HTR5A: variants seen among roughly 807,000 people sequenced by gnomAD.
HTR5A encodes 5-hydroxytryptamine receptor 5A.
In HTR5A, 21 loss-of-function variants were observed where a neutral mutation model predicts 24.3. That is an observed-to-expected ratio of 0.86 (90% CI 0.61 to 1.24). HTR5A has a LOEUF of 1.24. HTR5A is among the 50% of genes most tolerant of loss of function. HTR5A has a pLI of 0.00. For missense variants in HTR5A, 497 were observed against 489.5 expected (o/e 1.02, Z -0.15); for synonymous variants, 260 against 213.7 (o/e 1.22, Z -1.89).
At chr7:155,080,372 T>C (rs1454569928) in intron 1 of HTR5A, among the ~76,000 whole-genome samples, 1 of 152,238 alleles carries the variant, frequency 6.6e-6, no homozygotes, top group Non-Finnish European at 1.5e-5. Flanking sequence ...AATCCTAGGA[T>C]AACAAAATAC....
At chr7:155,074,240 A>C (rs1795336681) in intron 1 of HTR5A, among the ~76,000 whole-genome samples, 1 of 152,148 alleles carries the variant, frequency 6.6e-6, no homozygotes, top group Non-Finnish European at 1.5e-5. Context: ...TAGGTCAGAC[A>C]TTGAGCTGGG....
Position 155,071,211 on chromosome 7 carries a change from G to A in HTR5A, c.312G>A (p.Gly104=). 6.2e-7 allele frequency: 1 copy of A among 1,602,958 alleles called. No individual in the cohort carries two copies. Among genetic ancestry groups the A allele is most frequent in the East Asian group, 2.2e-5 (1 of 44,866 alleles). ...MPLSLVHELS[G]RRWQLGRRLC... The stretch of plus-strand genomic sequence containing the variant: ...TGAGCCTGGTGCACGAGCTGTCCGG[G>A]CGCCGCTGGCAGCTAGGTCGGAGGC... Residue 104 remains glycine, a synonymous_variant, in exon 1 of 2, where the codon GGG becomes GGA. Transcript: ENST00000287907.
At chr7:155,075,395 T>C (rs1302667217) in intron 1 of HTR5A, among the ~76,000 whole-genome samples, 1 of 152,252 alleles carries the variant, frequency 6.6e-6, no homozygotes, top group Non-Finnish European at 1.5e-5. Context: ...GACAGAGCTC[T>C]GCAGAAGCAT....
intron 1 of HTR5A, among the ~76,000 whole-genome samples, chr7:155,073,865 G>GTATA (rs151333626): frequency 1.2e-4 from 7 of 57,296 alleles, no homozygotes; most frequent in South Asian, 5.8e-4. Context: ...GTGTGTGTGT[G>GTATA]TATATATATA....
At chr7:155,077,274 CT>C (rs1795368160) in intron 1 of HTR5A, 1 of 152,112 alleles carries the variant, frequency 6.6e-6, no homozygotes, top group Non-Finnish European at 1.5e-5. Flanking sequence ...TGATAATGAT[CT>C]GAAAATATCA....
intron 1 of HTR5A, among the ~76,000 whole-genome samples, chr7:155,079,507 A>G (rs1453784808): frequency 1.3e-5 from 2 of 152,204 alleles, no homozygotes; most frequent in East Asian, 3.8e-4. Context: ...CAAAATACCA[A>G]TTAAAGAGGC....
chr7:155,074,797 G>A (rs531438822), intron 1 of HTR5A: 2 of 152,160 alleles, frequency 1.3e-5, no homozygotes, highest in Admixed American at 1.3e-4. Flanking sequence ...TCCTTGCAGC[G>A]ACCTACACCT....
intron 1 of HTR5A, among the ~76,000 whole-genome samples, chr7:155,080,230 G>A (rs1472285263): frequency 6.6e-6 from 1 of 152,306 alleles, no homozygotes; most frequent in East Asian, 1.9e-4. Flanking sequence ...CATGGCAAGA[G>A]GTTTAAAGCT....
rs746643948 is a variant in HTR5A, at chr7:155,071,190, C to T, written c.291C>T (p.Ser97=). The part of the protein sequence containing the change: ...VLVAALVMPL[S]LVHELSGRRW... ...TGGCCGCGCTGGTCATGCCGCTGAG[C>T]CTGGTGCACGAGCTGTCCGGGCGCC... Residue 97 remains serine, a synonymous_variant, in exon 1 of 2, where the codon AGC becomes AGT. Transcript: ENST00000287907. 1.3e-5 allele frequency: 21 copies of T among 1,602,704 alleles called. No homozygotes were observed. Among genetic ancestry groups the T allele is most frequent in the Non-Finnish European group, 1.7e-5 (20 of 1,179,878 alleles).
Position 155,070,831 on chromosome 7 carries a change from C to A in HTR5A, c.-69C>A. 6.7e-7 allele frequency: 1 copy of A among 1,490,902 alleles called. No homozygotes were observed. The highest frequency in any genetic ancestry group is 9.0e-7 in the Non-Finnish European group (1 of 1,106,592). 92.4% of individuals were successfully genotyped at this position (1,490,902 alleles called of 1,614,324 possible). On this transcript the variant is annotated 5_prime_UTR_variant, in exon 1 of 2. Coordinates refer to ENST00000287907, the MANE Select transcript of HTR5A (RefSeq NM_024012.4). ...CAAACATCCGGATTGGCTCTGGGCA[C>A]AGTGGCCGCCTTAAGTCCTCCTGAA...
At chr7:155,073,592 C>A (rs556690873) in intron 1 of HTR5A, among the ~76,000 whole-genome samples, 2 of 151,906 alleles carry the variant, frequency 1.3e-5, no homozygotes, top group Non-Finnish European at 2.9e-5. Context: ...AAATTCCAGA[C>A]CAGGAACAAG....
Position 155,071,401 on chromosome 7 carries a change from C to G in HTR5A, c.502C>G (p.Leu168Val). The G allele has an allele frequency of 1.9e-6, 3 of 1,614,182 alleles. No individual in the cohort carries two copies. Among genetic ancestry groups the G allele is most frequent in the Admixed American group, 1.7e-5 (1 of 60,032 alleles). The change falls in exon 1 of 2, where the codon CTC (leucine) becomes GTC (valine). Residue 168 changes from leucine (L) to valine (V), a missense_variant. Transcript: ENST00000287907. ...CGTCATGATCGCGCTCACCTGGGCA[C>G]TCTCCGCTGTCATCTCTCTGGCCCC... is the stretch of plus-strand genomic sequence containing the variant. The part of the protein sequence containing the change: ...SNVMIALTWA[L>V]SAVISLAPLL...
At chr7:155,082,275 G>T (rs1423072124) in intron 1 of HTR5A, among the ~76,000 whole-genome samples, 1 of 152,116 alleles carries the variant, frequency 6.6e-6, no homozygotes, top group Non-Finnish European at 1.5e-5. Flanking sequence ...AGTGTGAACA[G>T]CATCCATGGT....
rs116310631 is a variant in HTR5A, at chr7:155,080,749, G to A, written c.742-3406G>A. ...TCAGAGTAGCAGCAGGCTGACATCA[G>A]CTGCAGAACGGAGTTTACTCAGAAT... On this transcript the variant is annotated intron_variant, in intron 1 of 1. Coordinates refer to ENST00000287907, the MANE Select transcript of HTR5A (RefSeq NM_024012.4). Among the ~76,000 whole-genome samples, 885 of 152,322 alleles carry A rather than the reference G, an allele frequency of 5.8e-3. 9 individuals carry two copies. The highest frequency in any genetic ancestry group is 0.02 in the African/African-American group (832 of 41,564).
chr7:155,070,665 T>G lies in HTR5A; in HGVS notation c.-235T>G, dbSNP rs1028441831. 6 of 552,904 alleles carry G rather than the reference T, an allele frequency of 1.1e-5. No homozygotes were observed. The highest frequency in any genetic ancestry group is 1.6e-5 in the Non-Finnish European group (5 of 310,348). The allele number at this position is 552,904 out of a possible 1,614,324, so 34.2% of individuals were successfully genotyped here. A position where few individuals can be genotyped will look rare whatever the true frequency, so the allele number is the denominator to read the frequency against. Reference sequence around the variant, plus strand: ...GGCCCTGGCTGCGACACGCAGCCCCTCGCCTCTGCTTCCTTAGCCTCTGAG... The same window carrying G: ...GGCCCTGGCTGCGACACGCAGCCCCGCGCCTCTGCTTCCTTAGCCTCTGAG... On this transcript the variant is annotated 5_prime_UTR_variant, in exon 1 of 2. Transcript: ENST00000287907.
At position 155,077,563 on chromosome 7, in the gene HTR5A, A is replaced by G. The variant is rs958416491; in HGVS notation, c.741+5923A>G. ...ACTGCAATCTCCACCTCCCAGGTTC[A>G]AATCATTCTCCTGCCTCAGCCTCCC... On this transcript the variant is annotated intron_variant, in intron 1 of 1. Transcript: ENST00000287907. Among the ~76,000 whole-genome samples the G allele has an allele frequency of 1.1e-4, 16 of 151,216 alleles. No individual in the cohort carries two copies. In the South Asian group the frequency reaches 1.5e-3, roughly 14 times the overall value.
At chr7:155,079,642 GAA>G (rs1372208399) in intron 1 of HTR5A, among the ~76,000 whole-genome samples, 1 of 152,164 alleles carries the variant, frequency 6.6e-6, no homozygotes, top group Non-Finnish European at 1.5e-5. Context: ...CATTTGTGAA[GAA>G]AATTGCAAGA....
chr7:155,075,275 TG>T (rs1193184983), intron 1 of HTR5A, among the ~76,000 whole-genome samples: 17 of 30,766 alleles, frequency 5.5e-4, no homozygotes. Context: ...CCACTGTTTT[TG>T]GTCCTCTTAA....
At chr7:155,073,474 T>C (rs1488576507) in intron 1 of HTR5A, among the ~76,000 whole-genome samples, 2 of 152,072 alleles carry the variant, frequency 1.3e-5, no homozygotes, top group Non-Finnish European at 2.9e-5. Flanking sequence ...TTTGGGTAAC[T>C]CTGATCTATT....
Sources: allele counts gnomAD v4.1 joint callset (sites outside exome capture counted in the v4.1 genomes callset), GRCh38; gene constraint gnomAD v4.1.1; transcripts MANE v1.5; gene names NCBI Gene and HGNC (gene_info 2026-07-23, HGNC 2026-07-21).